The following LRP1-AS variants were observed in gnomAD, a reference collection of about 807,000 sequenced individuals.
LRP1-AS encodes the protein LRP1 antisense RNA.
At chr12:57,145,453 G>A in intron 1 of LRP1-AS, 1 of 1,614,030 alleles carries the variant, frequency 6.2e-7, no homozygotes, top group Non-Finnish European at 8.5e-7. Context: ...AGGGCTTCGT[G>A]GATGAGCACA....
At chr12:57,145,332 G>T (rs756612365) in intron 1 of LRP1-AS, 1 of 1,614,134 alleles carries the variant, frequency 6.2e-7, no homozygotes, top group Non-Finnish European at 8.5e-7. Context: ...ACGAGCACGC[G>T]GCAGACCACA....
At position 57,144,987 on chromosome 12, in the gene LRP1-AS, C is replaced by T. The variant is rs777340776; in HGVS notation, n.278G>A. The T allele has an allele frequency of 1.1e-5, 18 of 1,614,084 alleles. No individual in the cohort carries two copies. The East Asian group carries it at 2.0e-4, about 18-fold the overall frequency. ...TCCTCGGCAGATTTTGATGAGTGCT[C>T]AGTGTACGGCACCTGCAGCCAGCTA... On this transcript the variant is annotated non_coding_transcript_exon_variant, in exon 2 of 2. Transcript: ENST00000555461.
rs756708576 is a variant in LRP1-AS at position 57,145,239 on chromosome 12, G to A, written n.182-156C>T. The A allele has an allele frequency of 2.6e-5, 42 of 1,613,972 alleles. No individual in the cohort carries two copies. The highest frequency in any genetic ancestry group is 3.3e-5 in the Admixed American group (2 of 59,988). ...TCCCCATTCCCAGAGCCAGTAGACC[G>A]GCCCCCTGTGCTGTTGATAGCCAAC... is the stretch of plus-strand genomic sequence containing the variant. On this transcript the variant is annotated intron_variant and non_coding_transcript_variant, in intron 1 of 1. Transcript: ENST00000555461.
At chr12:57,145,575 G>A in intron 1 of LRP1-AS, 1 of 1,518,538 alleles carries the variant, frequency 6.6e-7, no homozygotes, top group Non-Finnish European at 8.9e-7. Flanking sequence ...GAGGCCGGGA[G>A]TTACACAGGA....
At chr12:57,145,366 C>T (rs541719112) in intron 1 of LRP1-AS, 20 of 1,614,166 alleles carry the variant, frequency 1.2e-5, no homozygotes, top group African/African-American at 1.1e-4. Context: ...GCTATGCCAA[C>T]GAGACCGTAT....
intron 1 of LRP1-AS, chr12:57,146,728 G>A (rs1004704448): frequency 1.3e-5 from 2 of 152,354 alleles, no homozygotes; most frequent in African/African-American, 4.8e-5. Flanking sequence ...GCTCACCTGT[G>A]ATCAGACATG....
intron 1 of LRP1-AS, chr12:57,145,189 G>A (rs757157040): frequency 5.6e-6 from 9 of 1,613,610 alleles, no homozygotes; most frequent in Non-Finnish European, 6.8e-6. Context: ...TGGTCCTAGA[G>A]CCCTGGCTGC....
rs746102288 is a variant in LRP1-AS at position 57,144,957 on chromosome 12, C to T, written n.308G>A. The T allele has an allele frequency of 5.0e-6, 8 of 1,612,694 alleles. No individual in the cohort carries two copies. In the East Asian group the frequency reaches 1.8e-4, roughly 36 times the overall value. On this transcript the variant is annotated non_coding_transcript_exon_variant, in exon 2 of 2. Coordinates refer to ENST00000555461, the Ensembl canonical transcript of LRP1-AS. ...CACACTGGAAATGACCACATTCTTG[C>T]CCTTTCCTCGGCAGATTTTGATGAG...
chr12:57,145,626 A>C, intron 1 of LRP1-AS: 1 of 1,172,022 alleles, frequency 8.5e-7, no homozygotes, highest in Non-Finnish European at 1.2e-6. Flanking sequence ...GCTGGATACA[A>C]TGGTGTGTGT....
intron 1 of LRP1-AS, chr12:57,145,587 G>T: frequency 1.4e-6 from 2 of 1,456,486 alleles, no homozygotes; most frequent in South Asian, 2.5e-5. Flanking sequence ...TACACAGGAT[G>T]GTCCTGTCTG....
chr12:57,144,872 G>A (rs1049329154), exon 2 of LRP1-AS: 5 of 1,191,904 alleles, frequency 4.2e-6, no homozygotes, highest in Non-Finnish European at 6.2e-6. Flanking sequence ...GTCCTTCAAG[G>A]TAGCTGTAAG....
At chr12:57,145,202 G>T in intron 1 of LRP1-AS, 1 of 1,613,788 alleles carries the variant, frequency 6.2e-7, no homozygotes, top group South Asian at 1.1e-5. Flanking sequence ...CTGGCTGCAC[G>T]GACTCTTCTC....
chr12:57,145,641 G>A (rs2035390430), intron 1 of LRP1-AS: 1 of 1,047,288 alleles, frequency 9.5e-7, no homozygotes, highest in African/African-American at 1.6e-5. Context: ...GTGTGTTTGA[G>A]GCAGGGGCAG....
At chr12:57,146,541 C>T (rs1020016772) in intron 1 of LRP1-AS, 1 of 152,176 alleles carries the variant, frequency 6.6e-6, no homozygotes, top group African/African-American at 2.4e-5. Context: ...AAGAAAGATC[C>T]CAGGAGGTTA....
chr12:57,145,244 C>G (rs1394652896), intron 1 of LRP1-AS: 2 of 1,614,154 alleles, frequency 1.2e-6, no homozygotes, highest in Non-Finnish European at 1.7e-6. Context: ...AGACCGGCCC[C>G]CTGTGCTGTT....
chr12:57,147,507 C>A (rs182621071), exon 1 of LRP1-AS: 3 of 152,270 alleles, frequency 2.0e-5, no homozygotes, highest in Non-Finnish European at 4.4e-5. Flanking sequence ...GCAGCTTTCC[C>A]CTGCTTTCAC....
At chr12:57,144,801 G>A in exon 2 of LRP1-AS, 1 of 660,304 alleles carries the variant, frequency 1.5e-6, no homozygotes, top group African/African-American at 1.8e-5. Flanking sequence ...TGGATTCCAA[G>A]ACTGGACTTG....
chr12:57,144,739 A>G, exon 2 of LRP1-AS: 1 of 558,806 alleles, frequency 1.8e-6, no homozygotes, highest in Non-Finnish European at 3.2e-6. Flanking sequence ...TAGGGACTCA[A>G]TAAATCTTCC....
chr12:57,145,200 A>G, intron 1 of LRP1-AS: 1 of 1,613,832 alleles, frequency 6.2e-7, no homozygotes, highest in Non-Finnish European at 8.5e-7. Context: ...CCCTGGCTGC[A>G]CGGACTCTTC....
Sources: allele counts gnomAD v4.1 joint callset, GRCh38; gene constraint gnomAD v4.1.1; transcripts MANE v1.5; gene names NCBI Gene and HGNC (gene_info 2026-07-23, HGNC 2026-07-21).